Variants in GLMN observed in about 807,000 individuals in gnomAD.
GLMN encodes the protein glomulin, FKBP associated protein.
A neutral mutation model predicts 87.8 loss-of-function variants in GLMN; 75 were observed. The observed-to-expected ratio is 0.85, with a 90% CI of 0.71 to 1.04. GLMN has a LOEUF of 1.04. GLMN is among the 50% of genes least tolerant of loss of function. GLMN has a pLI of 0.00. For synonymous variants in GLMN, 206 were observed against 221.6 expected (o/e 0.93, Z 0.63); for missense variants, 588 against 658.8 (o/e 0.89, Z 1.18).
the GLMN span, among the ~76,000 whole-genome samples, chr1:92,309,759 A>G: frequency 7.2e-5 from 11 of 152,178 alleles, no homozygotes. Context: ...ATAATGAGAA[A>G]CTGTGAGCAA....
chr1:92,343,195 G>C, the GLMN span, among the ~76,000 whole-genome samples: 18 of 152,272 alleles, frequency 1.2e-4, no homozygotes, highest in African/African-American at 4.1e-4. Flanking sequence ...GTGAAAACCT[G>C]GTAAAGAAAA....
chr1:92,323,575 A>G, the GLMN span: 1 of 1,614,118 alleles, frequency 6.2e-7, no homozygotes, highest in East Asian at 2.2e-5. Context: ...TAGCAGTGAC[A>G]ATGAGCAAGA....
At chr1:92,361,436 ATTG>A in the GLMN span, among the ~76,000 whole-genome samples, 1 of 152,180 alleles carries the variant, frequency 6.6e-6, no homozygotes, top group Non-Finnish European at 1.5e-5. Context: ...TGGATAAATT[ATTG>A]TTGATATTAT....
At chr1:92,281,117 A>C (rs955992962) in intron 7 of GLMN, among the ~76,000 whole-genome samples, 3 of 152,190 alleles carry the variant, frequency 2.0e-5, no homozygotes, top group Non-Finnish European at 4.4e-5. Flanking sequence ...AATACAGAGA[A>C]CACCACAAAG....
chr1:92,271,809 G>A lies in GLMN; in HGVS notation c.736-157C>T, dbSNP rs187045675. 3.0e-4 allele frequency among the ~76,000 whole-genome samples: 45 copies of A among 152,188 alleles called. 1 individual carries two copies. Among genetic ancestry groups the A allele is most frequent in the Admixed American group, 2.1e-3 (32 of 15,292 alleles). ...GACTTGCTTTCAACCAACAGAATGC[G>A]CCAAGATGTCACTCCCATGATTAGA... On this transcript the variant is annotated intron_variant, in intron 7 of 18. Transcript: ENST00000370360.
intron 7 of GLMN, among the ~76,000 whole-genome samples, chr1:92,283,912 C>A (rs561550675): frequency 3.0e-4 from 46 of 152,060 alleles, no homozygotes; most frequent in African/African-American, 1.1e-3. Context: ...CCAACTTACA[C>A]GGGATGTGAA....
the GLMN span, among the ~76,000 whole-genome samples, chr1:92,370,716 C>T: frequency 6.6e-6 from 1 of 151,540 alleles, no homozygotes; most frequent in African/African-American, 2.4e-5. Context: ...AAAAAAAACA[C>T]GGGGGTGGGG....
chr1:92,322,157 G>A, the GLMN span, among the ~76,000 whole-genome samples: 10 of 151,378 alleles, frequency 6.6e-5, no homozygotes, highest in African/African-American at 2.4e-4. Flanking sequence ...TGTTGGCCAG[G>A]CTGGTCTTGA....
chr1:92,257,313 C>G (rs1409240182), intron 16 of GLMN, among the ~76,000 whole-genome samples: 3 of 152,116 alleles, frequency 2.0e-5, no homozygotes, highest in African/African-American at 4.8e-5. Context: ...GTGAAAATGG[C>G]CATACCGCCC....
chr1:92,350,003 G>GA, the GLMN span, among the ~76,000 whole-genome samples: 2 of 152,042 alleles, frequency 1.3e-5, no homozygotes, highest in Non-Finnish European at 2.9e-5. Flanking sequence ...GTGTATCTCA[G>GA]AAAAAAATCT....
intron 16 of GLMN, among the ~76,000 whole-genome samples, chr1:92,259,978 G>GC (rs1203992721): frequency 6.6e-6 from 1 of 151,810 alleles, no homozygotes; most frequent in Non-Finnish European, 1.5e-5. Context: ...TTCATGAACC[G>GC]CCCGCCTTGG....
the GLMN span, chr1:92,324,257 T>C: frequency 2.5e-6 from 4 of 1,613,948 alleles, no homozygotes; most frequent in Non-Finnish European, 3.4e-6. Flanking sequence ...ATTAAACCAC[T>C]GCCAAGTTAC....
At chr1:92,261,961 A>G (rs538175857) in intron 16 of GLMN, among the ~76,000 whole-genome samples, 19 of 152,248 alleles carry the variant, frequency 1.2e-4, no homozygotes, top group Non-Finnish European at 2.2e-4. Flanking sequence ...GTTTCACAAC[A>G]AAATGTTAAA....
the GLMN span, among the ~76,000 whole-genome samples, chr1:92,309,119 C>G: frequency 6.6e-6 from 1 of 151,658 alleles, no homozygotes. Flanking sequence ...AGCTATATAC[C>G]CTTCACTACC....
chr1:92,310,013 C>G, the GLMN span, among the ~76,000 whole-genome samples: 1 of 152,134 alleles, frequency 6.6e-6, no homozygotes, highest in Non-Finnish European at 1.5e-5. Flanking sequence ...AGATTTAATC[C>G]AACCCCTTCA....
the GLMN span, among the ~76,000 whole-genome samples, chr1:92,318,011 T>C: frequency 1.3e-5 from 2 of 152,210 alleles, no homozygotes; most frequent in Admixed American, 1.3e-4. Flanking sequence ...CTATCACTCC[T>C]GAGTCTGCTT....
At chr1:92,357,207 T>G in the GLMN span, among the ~76,000 whole-genome samples, 384 of 152,138 alleles carry the variant, frequency 2.5e-3, 3 homozygotes, top group South Asian at 9.1e-3. Context: ...TCCCTTTCCC[T>G]CAAACACTTT....
chr1:92,335,489 AACT>A, the GLMN span, among the ~76,000 whole-genome samples: 1 of 152,176 alleles, frequency 6.6e-6, no homozygotes, highest in Non-Finnish European at 1.5e-5. Context: ...ACTCAACAAT[AACT>A]ACTATTAATA....
At chr1:92,271,700 G>T in intron 7 of GLMN, 48 bp from the exon 8 acceptor site, 1 of 1,271,384 alleles carries the variant, frequency 7.9e-7, no homozygotes, top group Non-Finnish European at 1.2e-6. Flanking sequence ...ACTCTAAAAT[G>T]CCCCCCACCC....
Sources: gnomAD v4.1 joint callset for allele counts (sites outside exome capture counted in the v4.1 genomes callset) on GRCh38, gnomAD v4.1.1 for gene constraint, MANE v1.5 for transcripts, NCBI Gene and HGNC (gene_info 2026-07-23, HGNC 2026-07-21) for gene names.